The following KIFC3 variants were observed in gnomAD, a reference collection of about 807,000 sequenced individuals.
KIFC3 encodes kinesin family member C3, also known as kinesin-like protein KIFC3.
KIFC3 carries 60 observed loss-of-function variants against 101.8 expected under a neutral mutation model. That is an observed-to-expected ratio of 0.59 (90% CI 0.48 to 0.73). KIFC3 has a LOEUF of 0.73. Among genes scored for constraint, KIFC3 ranks in the 30% least tolerant of loss-of-function variants. The pLI, the probability that KIFC3 is intolerant of heterozygous loss-of-function variation, is 0.00. For synonymous variants in KIFC3, 476 were observed against 482.7 expected (o/e 0.99, Z 0.18); for missense variants, 966 against 1,137.1 (o/e 0.85, Z 2.16).
chr16:57,802,530 C>G, upstream of KIFC3: 2 of 985,980 alleles, frequency 2.0e-6, no homozygotes, highest in South Asian at 9.4e-5. This position sits in a 1 kb window ranked among gnomAD's most constrained non-coding sequence, Gnocchi z 5.0. Flanking sequence ...ACTCGGGCCG[C>G]GGCGCGTTCC....
intron 1 of KIFC3, chr16:57,813,946 T>A: frequency 1.3e-6 from 1 of 756,276 alleles, no homozygotes; most frequent in Non-Finnish European, 1.6e-6. Context: ...TCCTGCTTAT[T>A]CTTCCTGTAC....
At chr16:57,847,782 G>A (rs965075492) in intron 1 of KIFC3, among the ~76,000 whole-genome samples, 3 of 151,770 alleles carry the variant, frequency 2.0e-5, no homozygotes, top group Non-Finnish European at 4.4e-5. Context: ...GTGTGTGTGT[G>A]TGTGTGTGTG....
At chr16:57,759,590 A>G in intron 18 of KIFC3, 138 bp downstream of exon 18, 1 of 638,552 alleles carries the variant, frequency 1.6e-6, no homozygotes, top group East Asian at 2.8e-5. Context: ...GGGGCAGGGG[A>G]GGTTGTAAAA....
Position 57,771,631 on chromosome 16 carries a change from A to G in KIFC3, c.437T>C (p.Leu146Pro). The change falls in exon 5 of 20, where the codon CTG (leucine) becomes CCG (proline). Residue 146 changes from leucine to proline, a missense_variant. Leu to Pro is a moderately conservative substitution (Grantham distance 98). Transcript: ENST00000445690. Reference protein sequence around the residue: ...RDLLMVENERLRQEMRRCEAE... With the variant: ...RDLLMVENERPRQEMRRCEAE... ...CTCACAGCGCCGCATCTCCTGCCTC[A>G]GTCGCTCATTCTCCACCATCAGCAG... 6.2e-7 allele frequency: 1 copy of G among 1,613,308 alleles called. No individual in the cohort carries two copies. The highest frequency in any genetic ancestry group is 1.1e-5 in the South Asian group (1 of 91,060).
intron 1 of KIFC3, among the ~76,000 whole-genome samples, chr16:57,815,945 G>A (rs367834470): frequency 9.8e-5 from 15 of 152,304 alleles, no homozygotes; most frequent in South Asian, 4.1e-4. Context: ...GGATGAACTC[G>A]GCTGGGTCAC....
Position 57,798,158 on chromosome 16 carries a change from T to G in KIFC3, c.86A>C (p.Glu29Ala), listed in dbSNP as rs2149218722. Residue 29 changes from glutamate (E) to alanine (A), a missense_variant, in exon 2 of 20, where the codon GAG becomes GCG. Glu to Ala is a moderately radical substitution (Grantham distance 107, BLOSUM62 -1). This residue lies in a region of KIFC3 where 277 missense variants were observed against 252.5 expected (regional missense o/e 1.10). Transcript: ENST00000445690. ...TGGGGCGGGGCGAGCCATCCCCGGC[T>G]CGGGCTCCGGGGCCCGGCCCACTCT... The part of the protein sequence containing the change: ...LWRVGRAPEP[E>A]PGMARPAPAP... 3 of 1,544,324 alleles carry G rather than the reference T, an allele frequency of 1.9e-6. No individual in the cohort carries two copies. Among genetic ancestry groups the G allele is most frequent in the Middle Eastern group, 3.8e-4 (2 of 5,250 alleles).
At chr16:57,772,092 G>C in intron 4 of KIFC3, 131 bp downstream of exon 4, 2 of 774,310 alleles carry the variant, frequency 2.6e-6, no homozygotes, top group Non-Finnish European at 4.2e-6. Flanking sequence ...TAAGGCTCTC[G>C]GTGTGTTTCT....
intron 1 of KIFC3, among the ~76,000 whole-genome samples, chr16:57,844,290 C>T (rs1158894460): frequency 2.6e-5 from 4 of 151,666 alleles, no homozygotes; most frequent in Non-Finnish European, 5.9e-5. Context: ...ATTAGCTAGG[C>T]ATGGTGGCAG....
In KIFC3 at chr16:57,761,394, G is replaced by A. The variant is rs782314975; in HGVS notation, c.1872+19C>T. On this transcript the variant is annotated intron_variant, in intron 14 of 19. Transcript: ENST00000445690. ...CTCTAGAGCAGTGTGGCTGTGGTCAGGGGCTCCCGCCTCCACACCTTGTTG... is the reference window on the plus strand; with the variant it reads ...CTCTAGAGCAGTGTGGCTGTGGTCAAGGGCTCCCGCCTCCACACCTTGTTG... 16 of 1,613,838 alleles carry A rather than the reference G, an allele frequency of 9.9e-6. No homozygotes were observed. The highest frequency in any genetic ancestry group is 8.8e-5 in the South Asian group (8 of 91,070).
At chr16:57,839,961 C>T (rs1324963970) in intron 1 of KIFC3, among the ~76,000 whole-genome samples, 1 of 152,202 alleles carries the variant, frequency 6.6e-6, no homozygotes, top group African/African-American at 2.4e-5. Context: ...GGAACTGACT[C>T]CTCAAATTGG....
At chr16:57,759,080 C>T (rs549608225) in intron 19 of KIFC3, 45 bp downstream of exon 19, 19 of 1,546,756 alleles carry the variant, frequency 1.2e-5, no homozygotes, top group Admixed American at 5.9e-5. Flanking sequence ...CAACCCACTG[C>T]GGGCAGGCAG....
chr16:57,841,319 T>C (rs1471691320), intron 1 of KIFC3, among the ~76,000 whole-genome samples: 9 of 151,970 alleles, frequency 5.9e-5, no homozygotes, highest in African/African-American at 2.2e-4. Context: ...AGGGAAGTGA[T>C]CCACAAAACA....
chr16:57,771,108 TCA>T, intron 6 of KIFC3, 88 bp downstream of exon 6: 1 of 1,490,354 alleles, frequency 6.7e-7, no homozygotes, highest in Admixed American at 1.8e-5. Context: ...ACCTACCTAT[TCA>T]CCAGGACAAG....
chr16:57,858,235 A>C (rs2149337879), intron 1 of KIFC3, among the ~76,000 whole-genome samples: 1 of 152,238 alleles, frequency 6.6e-6, no homozygotes, highest in African/African-American at 2.4e-5. Context: ...TGAATGAGCA[A>C]AGAAATTTAG....
chr16:57,768,615 G>A (rs1012626733), intron 9 of KIFC3, among the ~76,000 whole-genome samples: 2 of 152,066 alleles, frequency 1.3e-5, no homozygotes, highest in Non-Finnish European at 2.9e-5. Flanking sequence ...GTGGGTGGCA[G>A]AGAGGCCTTT....
At chr16:57,788,669 C>T (rs782064723) in intron 3 of KIFC3, 11 of 1,289,620 alleles carry the variant, frequency 8.5e-6, no homozygotes, top group African/African-American at 1.5e-5. Context: ...TCTCTTCTTT[C>T]GTCCCCTGAC....
intron 1 of KIFC3, among the ~76,000 whole-genome samples, chr16:57,847,512 C>G (rs1425437420): frequency 6.6e-6 from 1 of 152,062 alleles, no homozygotes; most frequent in Admixed American, 6.6e-5. Context: ...AGAAACAACA[C>G]ACATTTGGTG....
At chr16:57,779,065 C>T (rs2052434980) in intron 3 of KIFC3, among the ~76,000 whole-genome samples, 1 of 152,152 alleles carries the variant, frequency 6.6e-6, no homozygotes, top group Admixed American at 6.5e-5. Context: ...TATGATCCAG[C>T]AATTCCATTT....
chr16:57,758,742 C>T lies in KIFC3; in HGVS notation c.*192G>A. On this transcript the variant is annotated 3_prime_UTR_variant, in exon 20 of 20. Coordinates refer to ENST00000445690, the MANE Select transcript of KIFC3 (RefSeq NM_001130100.2). Reference sequence around the variant, plus strand: ...AGCCACAGCCGAGAGACACCGTTTCCTTCTGAACATGTTTCTCATCTTTGA... The same window carrying T: ...AGCCACAGCCGAGAGACACCGTTTCTTTCTGAACATGTTTCTCATCTTTGA... 1.1e-6 allele frequency: 1 copy of T among 938,046 alleles called. No individual in the cohort carries two copies. Among genetic ancestry groups the T allele is most frequent in the Non-Finnish European group, 1.7e-6 (1 of 583,254 alleles). The allele number at this position is 938,046 out of a possible 1,614,324, so 58.1% of individuals were successfully genotyped here. A position where few individuals can be genotyped will look rare whatever the true frequency, so the allele number is the denominator to read the frequency against.
Sources: gnomAD v4.1 joint callset for allele counts (sites outside exome capture counted in the v4.1 genomes callset) on GRCh38, gnomAD v4.1.1 for gene constraint, gnomAD v4.1.1 regional missense constraint, Gnocchi (gnomAD v3.1) non-coding constraint, MANE v1.5 for transcripts, NCBI Gene and HGNC (gene_info 2026-07-23, HGNC 2026-07-21) for gene names.